Variants in UBXN2A observed in about 807,000 individuals in gnomAD.
UBXN2A encodes the protein UBX domain-containing protein 2A.
Under a neutral mutation model 28.4 loss-of-function variants are expected in UBXN2A, and 28 were observed. The ratio of observed to expected loss-of-function variants is 0.99; its 90% CI spans 0.73 to 1.35. UBXN2A has a LOEUF of 1.35. UBXN2A is among the 40% of genes most tolerant of loss of function. The pLI is 0.00. For synonymous variants in UBXN2A, 97 were observed against 103.6 expected (o/e 0.94, Z 0.39); for missense variants, 253 against 297.9 (o/e 0.85, Z 1.11).
Position 23,966,667 on chromosome 2 carries a change from G to C in UBXN2A, c.42-4609G>C, listed in dbSNP as rs575146784. Among the ~76,000 whole-genome samples the C allele has an allele frequency of 6.9e-3, 1,022 of 148,800 alleles. 6 individuals carry two copies. The highest frequency in any genetic ancestry group is 0.01 in the Admixed American group (153 of 14,814). ...GGGGTTTCACCGTGTTAGCCAGGAT[G>C]GTCTCGATCTCCTGACCTTGTGATC... On this transcript the variant is annotated intron_variant, in intron 2 of 6. Transcript: ENST00000309033.
chr2:23,999,600 A>T, intron 6 of UBXN2A, 72 bp from the exon 7 acceptor site: 1 of 1,452,708 alleles, frequency 6.9e-7, no homozygotes, highest in Non-Finnish European at 9.4e-7. Context: ...TACTTTTACC[A>T]GTTGTTGTTA....
chr2:23,941,939 T>A (rs1705778075), intron 1 of UBXN2A, among the ~76,000 whole-genome samples: 1 of 152,050 alleles, frequency 6.6e-6, no homozygotes, highest in African/African-American at 2.4e-5. Flanking sequence ...TAGCTGGGCG[T>A]GATGGGGGGC....
chr2:23,991,406 TACACACAC>T (rs371442810), intron 6 of UBXN2A, among the ~76,000 whole-genome samples: 12 of 148,526 alleles, frequency 8.1e-5, no homozygotes, highest in East Asian at 2.0e-4. Flanking sequence ...TTTTATTTTA[TACACACAC>T]ACACACACAC....
At chr2:23,953,892 C>T (rs1706489528) in intron 1 of UBXN2A, among the ~76,000 whole-genome samples, 1 of 152,122 alleles carries the variant, frequency 6.6e-6, no homozygotes, top group South Asian at 2.1e-4. Flanking sequence ...ATGGTACAAG[C>T]TTTTACACTG....
Position 23,971,620 on chromosome 2 carries a change from G to A in UBXN2A, c.180+206G>A, listed in dbSNP as rs12620594. Among the ~76,000 whole-genome samples the A allele has an allele frequency of 0.12, 18,294 of 151,970 alleles. 1,191 individuals carry two copies. The highest frequency in any genetic ancestry group is 0.21 in the Middle Eastern group (63 of 294). On this transcript the variant is annotated intron_variant, in intron 3 of 6. Coordinates refer to ENST00000309033, the MANE Select transcript of UBXN2A (RefSeq NM_181713.4). The stretch of plus-strand genomic sequence containing the variant: ...CCTCCTGCCTCAGCATTCGCAGGTA[G>A]CCCGGACCTCAGCACACACCACCAT...
At chr2:23,992,550 G>T (rs1374085087) in intron 6 of UBXN2A, among the ~76,000 whole-genome samples, 2 of 152,214 alleles carry the variant, frequency 1.3e-5, no homozygotes, top group African/African-American at 2.4e-5. Context: ...CTACTTCAGA[G>T]GAAGGACAGA....
chr2:23,960,962 C>G (rs1706876769), intron 2 of UBXN2A, among the ~76,000 whole-genome samples: 1 of 151,458 alleles, frequency 6.6e-6, no homozygotes, highest in South Asian at 2.1e-4. Context: ...ACAGATTTAC[C>G]TGTTCTGGAC....
intron 1 of UBXN2A, among the ~76,000 whole-genome samples, 194 bp from the exon 2 acceptor site, chr2:23,958,107 C>A (rs1706722907): frequency 1.3e-5 from 2 of 152,126 alleles, no homozygotes; most frequent in Non-Finnish European, 2.9e-5. Context: ...TTTAAGAAGT[C>A]TTTCTTTTGT....
At chr2:23,961,400 C>G (rs918667467) in intron 2 of UBXN2A, among the ~76,000 whole-genome samples, 1 of 151,712 alleles carries the variant, frequency 6.6e-6, no homozygotes, top group African/African-American at 2.4e-5. Flanking sequence ...CTGGCCTGTA[C>G]TTTGAATTTT....
In UBXN2A at chr2:23,980,872, C is replaced by T. The variant is rs565339779; in HGVS notation, c.288-2024C>T. Among the ~76,000 whole-genome samples, 4 of 152,268 alleles carry T rather than the reference C, an allele frequency of 2.6e-5. No homozygotes were observed. In the East Asian group the frequency reaches 7.7e-4, roughly 29 times the overall value. On this transcript the variant is annotated intron_variant, in intron 4 of 6. Transcript: ENST00000309033. ...GAACTCCTGATCTCACGTGATTCAC[C>T]CGCCTCGGCCTTTCACAGTGCTGGG...
chr2:23,968,894 CTTT>C (rs551302005), intron 2 of UBXN2A: 5 of 130,620 alleles, frequency 3.8e-5, no homozygotes, highest in Admixed American at 1.6e-4. Context: ...TTTCTTTTTT[CTTT>C]TTTTTTTTTT....
chr2:23,981,176 C>G (rs1275911122), intron 4 of UBXN2A, among the ~76,000 whole-genome samples: 4 of 151,824 alleles, frequency 2.6e-5, no homozygotes, highest in African/African-American at 9.7e-5. Context: ...CACAAAGGTA[C>G]AGGCCAGGTA....
In UBXN2A at chr2:23,977,013, C is replaced by T. The variant is rs367603341; in HGVS notation, c.225C>T (p.Asn75=). 235 of 1,612,508 alleles carry T rather than the reference C, an allele frequency of 1.5e-4. No individual in the cohort carries two copies. The highest frequency in any genetic ancestry group is 1.9e-4 in the Non-Finnish European group (224 of 1,178,868). The change falls in exon 4 of 7, where the codon AAC becomes AAT. Residue 75 remains asparagine, a synonymous_variant. Coordinates refer to ENST00000309033, the MANE Select transcript of UBXN2A (RefSeq NM_181713.4). ...TATGGAAAAACGGATTCACCGTCAA[C>T]GACGATTTCAGAAGTTATTCCGATG... ...IKLWKNGFTV[N]DDFRSYSDGA...
intron 6 of UBXN2A, among the ~76,000 whole-genome samples, chr2:23,997,408 CTG>C (rs1237457101): frequency 6.6e-6 from 1 of 152,140 alleles, no homozygotes; most frequent in Non-Finnish European, 1.5e-5. Context: ...TCTTATATCT[CTG>C]GATTTAAGAA....
intron 4 of UBXN2A, 139 bp downstream of exon 4, chr2:23,977,214 T>C (rs938698854): frequency 5.2e-6 from 3 of 578,702 alleles, no homozygotes; most frequent in African/African-American, 3.7e-5. Context: ...AAAAAGAAAA[T>C]TACCAGCCAG....
chr2:23,940,433 C>A (rs1363558482), upstream of UBXN2A: 1 of 150,182 alleles, frequency 6.7e-6, no homozygotes, highest in African/African-American at 2.4e-5. Flanking sequence ...GCGCGCTCCT[C>A]GGGTCTGCGC....
rs562562459 is a variant in UBXN2A at position 23,998,646 on chromosome 2, G to A, written c.585-1026G>A. Among the ~76,000 whole-genome samples the A allele has an allele frequency of 1.8e-4, 28 of 152,252 alleles. No individual in the cohort carries two copies. The South Asian group carries it at 4.4e-3, about 24-fold the overall frequency. ...GAGGCAGGGAGAATTGCTTGAACCC[G>A]GGAGGTGGAGGTTGCAGTGAGCCAA... On this transcript the variant is annotated intron_variant, in intron 6 of 6. Coordinates refer to ENST00000309033, the MANE Select transcript of UBXN2A (RefSeq NM_181713.4).
intron 3 of UBXN2A, among the ~76,000 whole-genome samples, chr2:23,975,054 AT>A (rs1489836769): frequency 1.3e-5 from 2 of 152,038 alleles, no homozygotes; most frequent in Non-Finnish European, 2.9e-5. Flanking sequence ...TCCTAGTGAG[AT>A]TAGTGTCATT....
At chr2:23,988,782 A>C (rs1412774620) in intron 6 of UBXN2A, among the ~76,000 whole-genome samples, 1 of 152,130 alleles carries the variant, frequency 6.6e-6, no homozygotes, top group African/African-American at 2.4e-5. Flanking sequence ...ATACCTACTC[A>C]TAGTTTGCTA....
Sources: allele counts gnomAD v4.1 joint callset (sites outside exome capture counted in the v4.1 genomes callset), GRCh38; gene constraint gnomAD v4.1.1; transcripts MANE v1.5; gene names NCBI Gene and HGNC (gene_info 2026-07-23, HGNC 2026-07-21).